NSMCE2: variants seen among roughly 807,000 people sequenced by gnomAD.
NSMCE2 encodes the protein E3 SUMO-protein ligase NSE2.
NSMCE2 carries 24 observed loss-of-function variants against 23.8 expected under a neutral mutation model. That is an observed-to-expected ratio of 1.01 (90% CI 0.73 to 1.42). The LOEUF (loss-of-function observed/expected upper bound fraction) is 1.42, where lower values mean the gene tolerates loss of function less well. Ranked by LOEUF, NSMCE2 falls within the 40% of genes most tolerant of loss-of-function variation. NSMCE2 has a pLI of 0.00. For synonymous variants in NSMCE2, 92 were observed against 94.1 expected, an observed-to-expected ratio of 0.98 and a Z score of 0.13; for missense variants, 284 against 296.5, an observed-to-expected ratio of 0.96 and a Z score of 0.31.
intron 5 of NSMCE2, among the ~76,000 whole-genome samples, chr8:125,214,574 T>G (rs1586621910): frequency 1.3e-5 from 2 of 152,150 alleles, no homozygotes; most frequent in East Asian, 3.9e-4. Flanking sequence ...ATTAATAGAC[T>G]TTATTTTTTA....
rs34656029 is a variant in NSMCE2 at position 125,096,634 on chromosome 8, CTT to C, written c.-111+4696_-111+4697del. Among the ~76,000 whole-genome samples the C allele has an allele frequency of 9.3e-3, 744 of 80,426 alleles. 4 individuals are homozygous for C. Among genetic ancestry groups the C allele is most frequent in the African/African-American group, 0.034 (643 of 19,088 alleles). The allele number at this position is 80,426 out of a possible 152,430, so 52.8% of individuals were successfully genotyped here. On this transcript the variant is annotated intron_variant, in intron 1 of 7. Coordinates refer to ENST00000287437, the MANE Select transcript of NSMCE2 (RefSeq NM_173685.4). The stretch of plus-strand genomic sequence containing the variant: ...TGTATTACTAGTACTGTGTGGAATC[CTT>C]TTTTTTTTTTTTTTTTTTTCATACG...
At chr8:125,185,035 C>A (rs981893982) in intron 5 of NSMCE2, among the ~76,000 whole-genome samples, 2 of 152,266 alleles carry the variant, frequency 1.3e-5, no homozygotes, top group African/African-American at 4.8e-5. Context: ...AAAATAACCA[C>A]CATGTCTTCA....
chr8:125,167,639 A>G (rs960810944), intron 4 of NSMCE2, among the ~76,000 whole-genome samples: 4 of 152,202 alleles, frequency 2.6e-5, no homozygotes, highest in Admixed American at 1.3e-4. Flanking sequence ...GTCTCAAAAA[A>G]AAAATTGCAA....
chr8:125,207,900 CT>C (rs1824177352), intron 5 of NSMCE2, among the ~76,000 whole-genome samples: 2 of 152,174 alleles, frequency 1.3e-5, no homozygotes, highest in Admixed American at 6.5e-5. Flanking sequence ...CTGAAGAGCT[CT>C]TGAGGCCTGG....
intron 3 of NSMCE2, among the ~76,000 whole-genome samples, chr8:125,150,177 C>T (rs920625345): frequency 3.3e-5 from 5 of 152,094 alleles, no homozygotes; most frequent in African/African-American, 1.2e-4. Context: ...GGCTAACCTC[C>T]CTTCGGTCCC....
intron 3 of NSMCE2, among the ~76,000 whole-genome samples, chr8:125,134,360 A>G (rs1159663750): frequency 2.0e-5 from 3 of 152,210 alleles, no homozygotes; most frequent in African/African-American, 7.2e-5. Context: ...GGCAAGTCTG[A>G]AAATATGGGA....
chr8:125,135,740 G>C (rs1049761490), intron 3 of NSMCE2, among the ~76,000 whole-genome samples: 1 of 152,044 alleles, frequency 6.6e-6, no homozygotes, highest in African/African-American at 2.4e-5. Context: ...TCCATTTCTG[G>C]ACACAATTCA....
intron 5 of NSMCE2, among the ~76,000 whole-genome samples, chr8:125,289,222 G>A (rs1206336588): frequency 6.6e-6 from 1 of 152,152 alleles, no homozygotes; most frequent in African/African-American, 2.4e-5. Flanking sequence ...CACATGAAAA[G>A]CATTGGAAAC....
chr8:125,095,740 C>G (rs748136453), intron 1 of NSMCE2, among the ~76,000 whole-genome samples: 1 of 151,898 alleles, frequency 6.6e-6, no homozygotes, highest in East Asian at 1.9e-4. Flanking sequence ...ACTAAAAATA[C>G]AAAAATTAGC....
intron 4 of NSMCE2, among the ~76,000 whole-genome samples, chr8:125,158,937 A>G (rs1343382542): frequency 1.3e-5 from 2 of 152,320 alleles, no homozygotes; most frequent in Middle Eastern, 3.4e-3. Flanking sequence ...CTGGTTGTCT[A>G]CAGTTTCACT....
At chr8:125,363,640 AGAG>A (rs1221811990) in intron 7 of NSMCE2, among the ~76,000 whole-genome samples, 80 of 112,128 alleles carry the variant, frequency 7.1e-4, no homozygotes, top group Admixed American at 4.5e-4. Context: ...AAGGAAGAAG[AGAG>A]GAGGAGGAAG....
intron 5 of NSMCE2, among the ~76,000 whole-genome samples, chr8:125,252,595 A>C (rs1471573028): frequency 6.6e-6 from 1 of 152,216 alleles, no homozygotes; most frequent in Non-Finnish European, 1.5e-5. Context: ...CTATCTCAAA[A>C]ATTGGCATGT....
intron 5 of NSMCE2, among the ~76,000 whole-genome samples, chr8:125,209,532 C>G (rs1824244527): frequency 6.6e-6 from 1 of 152,120 alleles, no homozygotes; most frequent in Non-Finnish European, 1.5e-5. Context: ...CATATTTAAA[C>G]TTATACCAAT....
At chr8:125,248,497 A>G (rs567901339) in intron 5 of NSMCE2, among the ~76,000 whole-genome samples, 1 of 152,302 alleles carries the variant, frequency 6.6e-6, no homozygotes, top group African/African-American at 2.4e-5. Flanking sequence ...TACTAAAAAT[A>G]CAAAAATTAG....
chr8:125,316,453 C>T (rs7834583), intron 5 of NSMCE2, among the ~76,000 whole-genome samples: 10,608 of 152,182 alleles, frequency 0.07, 1,194 homozygotes, highest in African/African-American at 0.24. Flanking sequence ...ACTGGCAGTA[C>T]GTGCATTGGT....
At chr8:125,122,798 C>G (rs1819334056) in intron 3 of NSMCE2, among the ~76,000 whole-genome samples, 1 of 152,086 alleles carries the variant, frequency 6.6e-6, no homozygotes, top group African/African-American at 2.4e-5. Flanking sequence ...ATAAGGTATT[C>G]TCACCACTAG....
At chr8:125,281,062 G>A (rs190386032) in intron 5 of NSMCE2, among the ~76,000 whole-genome samples, 25 of 152,130 alleles carry the variant, frequency 1.6e-4, no homozygotes, top group Middle Eastern at 3.4e-3. Context: ...TTTCTTTTTT[G>A]TCTACAACTT....
At chr8:125,270,354 A>C (rs534783349) in intron 5 of NSMCE2, among the ~76,000 whole-genome samples, 100 of 152,208 alleles carry the variant, frequency 6.6e-4, no homozygotes, top group Middle Eastern at 3.4e-3. Context: ...AAACCCAGCT[A>C]CTCGGGAGGC....
At position 125,243,409 on chromosome 8, in the gene NSMCE2, G is replaced by T. The variant is rs146566560; in HGVS notation, c.418+61153G>T. ...AAGCTGAAAGATGTTCCAAAAGGAA[G>T]ATCCAAAAGGATCTGTTCCAAAAGG... On this transcript the variant is annotated intron_variant, in intron 5 of 7. Coordinates refer to ENST00000287437, the MANE Select transcript of NSMCE2 (RefSeq NM_173685.4). Among the ~76,000 whole-genome samples the T allele has an allele frequency of 2.0e-5, 3 of 152,120 alleles. No individual in the cohort carries two copies. In the East Asian group the frequency reaches 5.8e-4, roughly 29 times the overall value.
Sources: gnomAD v4.1 joint callset for allele counts (sites outside exome capture counted in the v4.1 genomes callset) on GRCh38, gnomAD v4.1.1 for gene constraint, MANE v1.5 for transcripts, NCBI Gene and HGNC (gene_info 2026-07-23, HGNC 2026-07-21) for gene names.